NCOR1: variants seen among roughly 807,000 people sequenced by gnomAD.
The protein encoded by NCOR1 is protein phosphatase 1, regulatory subunit 109.
A neutral mutation model predicts 288.1 loss-of-function variants in NCOR1; 63 were observed. The ratio of observed to expected loss-of-function variants is 0.22; its 90% CI spans 0.18 to 0.27. The LOEUF is 0.27. NCOR1 is among the 10% of genes least tolerant of loss of function. The pLI is 1.00. For missense variants in NCOR1, 2,397 were observed against 3,019.2 expected (o/e 0.79, Z 4.83); for synonymous variants, 1,007 against 1,065.9 (o/e 0.94, Z 1.08).
At chr17:16,203,173 C>CA (rs1177581721) in intron 1 of NCOR1, among the ~76,000 whole-genome samples, 3 of 152,164 alleles carry the variant, frequency 2.0e-5, no homozygotes, top group Non-Finnish European at 4.4e-5. Context: ...TTTCTCAACT[C>CA]AAAAAGCCAA....
chr17:16,109,918 G>C (rs1164389085), intron 18 of NCOR1, among the ~76,000 whole-genome samples: 1 of 152,140 alleles, frequency 6.6e-6, no homozygotes, highest in East Asian at 1.9e-4. Flanking sequence ...GTTTTTAGTA[G>C]AGACGGGGTT....
intron 19 of NCOR1, among the ~76,000 whole-genome samples, chr17:16,106,862 T>C (rs1356749269): frequency 2.3e-5 from 1 of 43,776 alleles, no homozygotes; most frequent in Non-Finnish European, 4.4e-5. Flanking sequence ...GACATATATA[T>C]ATATATATAT....
chr17:16,200,828 A>G lies in NCOR1; in HGVS notation c.-70-6189T>C, dbSNP rs538049152. On this transcript the variant is annotated intron_variant, in intron 1 of 45. Coordinates refer to ENST00000268712, the MANE Select transcript of NCOR1 (RefSeq NM_006311.4). ...CAATTCTAAAAGTATGTTAGGCAAG[A>G]CAAAGCTAAGAAGGACCACCACCCT... 3.2e-4 allele frequency among the ~76,000 whole-genome samples: 48 copies of G among 152,326 alleles called. No homozygotes were observed. In the East Asian group the frequency reaches 8.5e-3, roughly 27 times the overall value.
At chr17:16,130,232 A>G (rs957847664) in intron 14 of NCOR1, among the ~76,000 whole-genome samples, 1 of 152,242 alleles carries the variant, frequency 6.6e-6, no homozygotes, top group Non-Finnish European at 1.5e-5. Flanking sequence ...TATCATAACA[A>G]CTGCCACTGA....
chr17:16,138,516 C>T (rs2076748589), intron 12 of NCOR1, among the ~76,000 whole-genome samples: 1 of 152,040 alleles, frequency 6.6e-6, no homozygotes, highest in East Asian at 1.9e-4. Flanking sequence ...ACCCAGGAGG[C>T]AGAGGTTGCA....
At chr17:16,182,010 T>C (rs2085584247) in intron 3 of NCOR1, among the ~76,000 whole-genome samples, 1 of 151,984 alleles carries the variant, frequency 6.6e-6, no homozygotes, top group Non-Finnish European at 1.5e-5. Context: ...ATTTTTTAGC[T>C]GAAAGATCAA....
rs2072985067 is a variant in NCOR1, at chr17:16,121,369, A to ACTACCTAATC, written c.1635-110_1635-101dup. On this transcript the variant is annotated intron_variant, in intron 15 of 45. Transcript: ENST00000268712. ...ATTATCTAAATAGAAATTGAATAAA[A>ACTACCTAATC]CTACCTAATCTCTCACTCAAAAAAA... is the stretch of plus-strand genomic sequence containing the variant. The ACTACCTAATC allele has an allele frequency of 3.0e-6, 3 of 998,282 alleles. No homozygotes were observed. In the South Asian group the frequency reaches 6.3e-5, roughly 21 times the overall value. The allele number at this position is 998,282 out of a possible 1,614,324, so 61.8% of individuals were successfully genotyped here.
rs2060039067 is a variant in NCOR1, at chr17:16,057,230, T to A, written c.6392+284A>T. On this transcript the variant is annotated intron_variant, in intron 40 of 45. Transcript: ENST00000268712. ...ATTATTCGGAAGCACCACTGAAGTG[T>A]CCCCAAACCACTACCAAACTACACA... The A allele has an allele frequency of 2.9e-5, 11 of 385,458 alleles. No individual in the cohort carries two copies. In the South Asian group the frequency reaches 3.1e-4, roughly 11 times the overall value. The allele number at this position is 385,458 out of a possible 1,614,324, so 23.9% of individuals were successfully genotyped here. A position where few individuals can be genotyped will look rare whatever the true frequency, so the allele number is the denominator to read the frequency against.
intron 14 of NCOR1, among the ~76,000 whole-genome samples, chr17:16,130,414 C>G (rs2075407812): frequency 6.6e-6 from 1 of 151,380 alleles, no homozygotes; most frequent in South Asian, 2.1e-4. Flanking sequence ...GAGGTCCACC[C>G]CTTCAAAAGA....
In NCOR1 at chr17:16,171,849, A is replaced by G. The variant is rs772028897; in HGVS notation, c.389T>C (p.Val130Ala). The change falls in exon 4 of 46, where the codon GTG (valine) becomes GCG (alanine). Residue 130 changes from valine to alanine, a missense_variant. Physicochemically the swap from Val to Ala is moderately conservative, Grantham distance 64. Coordinates refer to ENST00000268712, the MANE Select transcript of NCOR1 (RefSeq NM_006311.4). ...QRVSAAVLPL[V>A]HPLPEGLRAS... The stretch of plus-strand genomic sequence containing the variant: ...CCTCAGCCCTTCTGGCAGCGGGTGC[A>G]CTAAAGGCAAAACCGCAGCACTGAC... 4 of 1,611,896 alleles carry G rather than the reference A, an allele frequency of 2.5e-6. No individual in the cohort carries two copies. The highest frequency in any genetic ancestry group is 4.5e-5 in the East Asian group (2 of 44,776).
At chr17:16,052,169 C>T (rs924035925) in intron 40 of NCOR1, among the ~76,000 whole-genome samples, 3 of 151,526 alleles carry the variant, frequency 2.0e-5, no homozygotes, top group Admixed American at 6.6e-5. Context: ...CCGGCCACCA[C>T]GCCTGGCTAA....
chr17:16,054,806 C>G (rs1402629786), intron 40 of NCOR1, among the ~76,000 whole-genome samples: 1 of 152,126 alleles, frequency 6.6e-6, no homozygotes, highest in Non-Finnish European at 1.5e-5. Flanking sequence ...GGGGCAGGAG[C>G]CTGTAATCCT....
chr17:16,072,289 C>CA, intron 28 of NCOR1, 61 bp from the exon 29 acceptor site: 1 of 1,253,916 alleles, frequency 8.0e-7, no homozygotes, highest in Non-Finnish European at 1.1e-6. Context: ...CTCACATATA[C>CA]TGAATGCTGT....
At chr17:16,077,520 G>A (rs1361604676) in intron 26 of NCOR1, among the ~76,000 whole-genome samples, 1 of 28,440 alleles carries the variant, frequency 3.5e-5, no homozygotes, top group East Asian at 9.4e-4. Context: ...GAGGGGAGGG[G>A]GGGAGGAGGG....
intron 14 of NCOR1, among the ~76,000 whole-genome samples, chr17:16,129,634 A>T (rs556722229): frequency 1.3e-5 from 2 of 152,300 alleles, no homozygotes; most frequent in East Asian, 3.9e-4. Context: ...TTTAAATGCT[A>T]ATAACCTAAC....
At chr17:16,113,250 C>CA (rs1310199276) in intron 18 of NCOR1, among the ~76,000 whole-genome samples, 13 of 149,492 alleles carry the variant, frequency 8.7e-5, no homozygotes, top group African/African-American at 3.0e-4. Context: ...TAACCATTTT[C>CA]CAAAAAAAAA....
intron 21 of NCOR1, among the ~76,000 whole-genome samples, chr17:16,093,100 A>C (rs1367853624): frequency 6.6e-6 from 1 of 152,224 alleles, no homozygotes; most frequent in Non-Finnish European, 1.5e-5. Flanking sequence ...TTCCACACTT[A>C]CATAAAATGG....
intron 8 of NCOR1, among the ~76,000 whole-genome samples, chr17:16,151,210 T>TAAAA (rs201299273): frequency 1.3e-5 from 2 of 150,554 alleles, no homozygotes; most frequent in Non-Finnish European, 3.0e-5. Flanking sequence ...ATTTTTTTTT[T>TAAAA]AAAAAAAAGA....
intron 40 of NCOR1, among the ~76,000 whole-genome samples, chr17:16,053,130 A>C (rs1389653206): frequency 6.6e-6 from 1 of 152,226 alleles, no homozygotes; most frequent in Non-Finnish European, 1.5e-5. Flanking sequence ...CTTGAAAGCC[A>C]GCACACAACA....
Sources: gnomAD v4.1 joint callset for allele counts (sites outside exome capture counted in the v4.1 genomes callset) on GRCh38, gnomAD v4.1.1 for gene constraint, MANE v1.5 for transcripts, NCBI Gene and HGNC (gene_info 2026-07-23, HGNC 2026-07-21) for gene names.